SLC24A1: variants seen among roughly 807,000 people sequenced by gnomAD.
SLC24A1 encodes the protein solute carrier family 24 member 1, also known as sodium/potassium/calcium exchanger 1.
In SLC24A1, 52 loss-of-function variants were observed where a neutral mutation model predicts 88.1. The ratio of observed to expected loss-of-function variants is 0.59; its 90% CI spans 0.47 to 0.74. The LOEUF (loss-of-function observed/expected upper bound fraction) is 0.74. Ranked by LOEUF, SLC24A1 falls within the 30% of genes least tolerant of loss-of-function variation. The pLI is 0.00. For synonymous variants in SLC24A1, 455 were observed against 498.0 expected (o/e 0.91, Z 1.15); for missense variants, 1,173 against 1,363.3 (o/e 0.86, Z 2.20).
At position 65,650,950 on chromosome 15, in the gene SLC24A1, T is replaced by A. The variant is rs1757729343; in HGVS notation, c.2793+8T>A. The A allele has an allele frequency of 6.2e-7, 1 of 1,612,320 alleles. No individual in the cohort carries two copies. Among genetic ancestry groups the A allele is most frequent in the Admixed American group, 1.7e-5 (1 of 60,016 alleles). On this transcript the variant is annotated splice_region_variant and intron_variant, in intron 7 of 9. Coordinates refer to ENST00000261892, the MANE Select transcript of SLC24A1 (RefSeq NM_004727.3). The surrounding 1 kb of genome is among the most constrained non-coding windows in gnomAD (Gnocchi z 4.1). ...CCCGACGTCCGAAGGCAGGTGAGTGTGCCCATCTGTATCTCAGACTCTTTA... is the reference window on the plus strand; with the variant it reads ...CCCGACGTCCGAAGGCAGGTGAGTGAGCCCATCTGTATCTCAGACTCTTTA...
chr15:65,631,746 G>A (rs1283142304), intron 2 of SLC24A1, among the ~76,000 whole-genome samples: 4 of 152,080 alleles, frequency 2.6e-5, no homozygotes, highest in African/African-American at 7.2e-5. Flanking sequence ...CATTAGTTTC[G>A]CTTTTAATGG....
chr15:65,631,451 G>A (rs896303091), intron 2 of SLC24A1, among the ~76,000 whole-genome samples: 1 of 152,202 alleles, frequency 6.6e-6, no homozygotes. Context: ...GTAAATAATA[G>A]TGGGCCCCCT....
chr15:65,633,598 TGTG>T (rs780589809), intron 2 of SLC24A1, among the ~76,000 whole-genome samples: 54 of 152,208 alleles, frequency 3.5e-4, no homozygotes, highest in Middle Eastern at 3.4e-3. Context: ...AGGCAGAGGT[TGTG>T]GTGAGCCAAG....
intron 4 of SLC24A1, chr15:65,642,994 G>T (rs1210610781): frequency 1.6e-6 from 2 of 1,288,886 alleles, no homozygotes; most frequent in Non-Finnish European, 2.0e-6. Flanking sequence ...CATCACTGTG[G>T]GGTGCTTCCC....
upstream of SLC24A1, among the ~76,000 whole-genome samples, chr15:65,620,848 G>A (rs2074296640): frequency 6.6e-6 from 1 of 152,182 alleles, no homozygotes; most frequent in South Asian, 2.1e-4. Flanking sequence ...GATTGAGACT[G>A]TGTTACATAG....
intron 2 of SLC24A1, among the ~76,000 whole-genome samples, chr15:65,627,928 T>G (rs770559861): frequency 7.9e-5 from 12 of 152,350 alleles, no homozygotes; most frequent in Admixed American, 1.3e-4. Context: ...CAGTGATGAT[T>G]ACATCTCTGT....
chr15:65,652,224 A>G (rs529735502), intron 8 of SLC24A1: 14 of 303,450 alleles, frequency 4.6e-5, no homozygotes, highest in Non-Finnish European at 8.2e-5. Flanking sequence ...ATTAGGGTCT[A>G]TGTCATCCTG....
At chr15:65,631,202 T>C (rs146916834) in intron 2 of SLC24A1, among the ~76,000 whole-genome samples, 410 of 152,324 alleles carry the variant, frequency 2.7e-3, no homozygotes, top group Middle Eastern at 6.8e-3. Flanking sequence ...TATTTTCTCC[T>C]AGTGCATATG....
At chr15:65,628,207 C>T (rs73486763) in intron 2 of SLC24A1, among the ~76,000 whole-genome samples, 1,861 of 152,288 alleles carry the variant, frequency 0.012, 40 homozygotes, top group African/African-American at 0.043. Context: ...GATCCTCCCG[C>T]CTCAGCTTCC....
chr15:65,624,354 G>C lies in SLC24A1; in HGVS notation c.274G>C (p.Val92Leu). Reference protein sequence around the residue: ...PSSEMGGKMLVPQASVGSDEA... With the variant: ...PSSEMGGKMLLPQASVGSDEA... Reference sequence around the variant, plus strand: ...CTCCGAAATGGGGGGTAAGATGCTGGTACCCCAAGCCTCAGTGGGCAGTGA... The same window carrying C: ...CTCCGAAATGGGGGGTAAGATGCTGCTACCCCAAGCCTCAGTGGGCAGTGA... Residue 92 changes from valine to leucine, a missense_variant, in exon 2 of 10, where the codon GTA becomes CTA. Transcript: ENST00000261892. 6.2e-7 allele frequency: 1 copy of C among 1,613,654 alleles called. No homozygotes were observed.
chr15:65,638,509 T>A (rs926054648), intron 3 of SLC24A1, among the ~76,000 whole-genome samples: 1 of 152,186 alleles, frequency 6.6e-6, no homozygotes, highest in African/African-American at 2.4e-5. Flanking sequence ...CAAGTCCTAA[T>A]GTACAGCCCA....
At chr15:65,642,065 A>T (rs1034402117) in intron 4 of SLC24A1, among the ~76,000 whole-genome samples, 7 of 152,098 alleles carry the variant, frequency 4.6e-5, no homozygotes, top group Non-Finnish European at 8.8e-5. Flanking sequence ...GTGACTGCAG[A>T]TGTCCTCTGG....
intron 2 of SLC24A1, among the ~76,000 whole-genome samples, chr15:65,629,865 T>G (rs1052579349): frequency 6.6e-6 from 1 of 152,154 alleles, no homozygotes; most frequent in Non-Finnish European, 1.5e-5. Context: ...TGGGGCTCCT[T>G]TGGAAGCTCC....
chr15:65,629,680 C>T (rs1288218775), intron 2 of SLC24A1, among the ~76,000 whole-genome samples: 2 of 152,192 alleles, frequency 1.3e-5, no homozygotes. Flanking sequence ...AAAGCAGAGG[C>T]GCTAGGCTGG....
intron 6 of SLC24A1, among the ~76,000 whole-genome samples, chr15:65,647,922 T>C (rs1397038405): frequency 6.6e-6 from 1 of 152,176 alleles, no homozygotes; most frequent in African/African-American, 2.4e-5. Flanking sequence ...CCTCAACCAA[T>C]GAAGTCAGAA....
At chr15:65,620,732 T>G (rs552181884), upstream of SLC24A1, among the ~76,000 whole-genome samples, 1 of 152,320 alleles carries the variant, frequency 6.6e-6, no homozygotes, top group South Asian at 2.1e-4. Context: ...CCCCTGAATT[T>G]TTTATATTGA....
chr15:65,635,806 AT>A (rs1369298070), intron 2 of SLC24A1, among the ~76,000 whole-genome samples: 1 of 152,180 alleles, frequency 6.6e-6, no homozygotes, highest in Non-Finnish European at 1.5e-5. Context: ...TGTGCCTTTT[AT>A]TTCAGGAACC....
At chr15:65,630,740 G>A (rs969776341) in intron 2 of SLC24A1, among the ~76,000 whole-genome samples, 1 of 152,234 alleles carries the variant, frequency 6.6e-6, no homozygotes, top group Non-Finnish European at 1.5e-5. Context: ...GGAGGCCGAG[G>A]TGGGTGGATC....
chr15:65,636,253 G>A (rs569306322), intron 2 of SLC24A1, among the ~76,000 whole-genome samples: 2 of 152,246 alleles, frequency 1.3e-5, no homozygotes, highest in South Asian at 2.1e-4. Context: ...CCAGTAGTTC[G>A]AGACCAGGTT....
Sources: gnomAD v4.1 joint callset for allele counts (sites outside exome capture counted in the v4.1 genomes callset) on GRCh38, gnomAD v4.1.1 for gene constraint, Gnocchi (gnomAD v3.1) non-coding constraint, MANE v1.5 for transcripts, NCBI Gene and HGNC (gene_info 2026-07-23, HGNC 2026-07-21) for gene names.